Variants in PABPC4L observed in about 807,000 individuals in gnomAD.
PABPC4L encodes poly(A) binding protein cytoplasmic 4 like, also known as polyadenylate-binding protein 4-like.
For missense variants in PABPC4L, 452 were observed against 451.4 expected (o/e 1.00, Z -0.01); for synonymous variants, 169 against 164.1 (o/e 1.03, Z -0.23).
the PABPC4L span, among the ~76,000 whole-genome samples, chr4:134,153,395 G>A: frequency 6.6e-6 from 1 of 151,892 alleles, no homozygotes; most frequent in Non-Finnish European, 1.5e-5. Flanking sequence ...AATAGACCAA[G>A]AATATTTTCC....
the PABPC4L span, among the ~76,000 whole-genome samples, chr4:134,137,761 T>C: frequency 1.3e-5 from 2 of 151,892 alleles, no homozygotes; most frequent in African/African-American, 4.8e-5. Flanking sequence ...CTTTCTATAA[T>C]GGACTATTAT....
chr4:134,041,005 A>T, the PABPC4L span, among the ~76,000 whole-genome samples: 1 of 152,194 alleles, frequency 6.6e-6, no homozygotes, highest in Non-Finnish European at 1.5e-5. Context: ...AAAGAAATGT[A>T]AATCAAAATC....
chr4:134,131,938 C>A, the PABPC4L span, among the ~76,000 whole-genome samples: 1 of 151,828 alleles, frequency 6.6e-6, no homozygotes, highest in Non-Finnish European at 1.5e-5. Flanking sequence ...TCATCTTCAA[C>A]AAAGCAAACA....
chr4:134,047,678 G>C, the PABPC4L span, among the ~76,000 whole-genome samples: 2 of 152,074 alleles, frequency 1.3e-5, no homozygotes, highest in African/African-American at 4.8e-5. Flanking sequence ...AGGAAGGGAA[G>C]GTCTACAAAG....
At chr4:134,117,800 T>C in the PABPC4L span, among the ~76,000 whole-genome samples, 1 of 151,814 alleles carries the variant, frequency 6.6e-6, no homozygotes, top group African/African-American at 2.4e-5. Flanking sequence ...TGCTGTGGGA[T>C]TCCCAAATAA....
the PABPC4L span, among the ~76,000 whole-genome samples, chr4:134,105,008 G>T: frequency 1.3e-5 from 2 of 151,664 alleles, no homozygotes; most frequent in Non-Finnish European, 2.9e-5. Flanking sequence ...CCAACAAGAT[G>T]CAGAATGATA....
the PABPC4L span, among the ~76,000 whole-genome samples, chr4:134,178,250 G>A: frequency 6.6e-6 from 1 of 151,654 alleles, no homozygotes; most frequent in Non-Finnish European, 1.5e-5. Flanking sequence ...TGTGGGCATG[G>A]AGAGTTAGTG....
the PABPC4L span, among the ~76,000 whole-genome samples, chr4:134,050,706 C>CAAAAAAAAAAAAAAAAAAAAAA: frequency 1.2e-5 from 1 of 83,016 alleles, no homozygotes; most frequent in Admixed American, 1.5e-4. Context: ...CACCGTCTCC[C>CAAAAAAAAAAAAAAAAAAAAAA]AAAAAAAAAA....
the PABPC4L span, among the ~76,000 whole-genome samples, chr4:134,054,173 G>C: frequency 6.9e-6 from 1 of 145,984 alleles, no homozygotes; most frequent in Non-Finnish European, 1.5e-5. Context: ...TCAAGTCTAT[G>C]AATTTCTTTT....
At chr4:134,071,891 A>G in the PABPC4L span, among the ~76,000 whole-genome samples, 1 of 152,294 alleles carries the variant, frequency 6.6e-6, no homozygotes, top group Non-Finnish European at 1.5e-5. Context: ...AGCAATCCAG[A>G]CAGGAGTATA....
chr4:134,007,898 C>A, the PABPC4L span, among the ~76,000 whole-genome samples: 3 of 151,614 alleles, frequency 2.0e-5, no homozygotes, highest in African/African-American at 7.2e-5. Context: ...AACTGTTTTA[C>A]TGAAACTTTT....
At chr4:134,012,877 A>G in the PABPC4L span, among the ~76,000 whole-genome samples, 1 of 151,910 alleles carries the variant, frequency 6.6e-6, no homozygotes, top group Admixed American at 6.6e-5. Flanking sequence ...TCTTCATTTC[A>G]ATTCCTTTCA....
At chr4:134,124,637 G>A in the PABPC4L span, among the ~76,000 whole-genome samples, 9 of 151,988 alleles carry the variant, frequency 5.9e-5, no homozygotes, top group African/African-American at 2.2e-4. Context: ...AAAAGGAGAT[G>A]TTTGGTTATA....
At chr4:134,064,652 T>G in the PABPC4L span, among the ~76,000 whole-genome samples, 2 of 152,084 alleles carry the variant, frequency 1.3e-5, no homozygotes, top group South Asian at 4.1e-4. Context: ...GTTATATAGG[T>G]AAAGTGCATG....
the PABPC4L span, among the ~76,000 whole-genome samples, chr4:134,060,061 T>C: frequency 6.6e-6 from 1 of 152,044 alleles, no homozygotes. Context: ...TTGCGAGACA[T>C]TGCATTAAAC....
the PABPC4L span, among the ~76,000 whole-genome samples, chr4:134,138,269 T>G: frequency 6.6e-6 from 1 of 151,834 alleles, no homozygotes; most frequent in Non-Finnish European, 1.5e-5. Flanking sequence ...CACTTACTCA[T>G]TACACATTTA....
the PABPC4L span, among the ~76,000 whole-genome samples, chr4:134,164,030 G>A: frequency 2.6e-5 from 4 of 151,682 alleles, no homozygotes; most frequent in East Asian, 2.0e-4. Context: ...TTGGGAGGCC[G>A]AGGCGGGCGG....
chr4:134,075,166 A>C, the PABPC4L span, among the ~76,000 whole-genome samples: 1 of 152,174 alleles, frequency 6.6e-6, no homozygotes, highest in Non-Finnish European at 1.5e-5. Flanking sequence ...CAGGGTTTTG[A>C]GTAGATAGTC....
At chr4:134,017,616 C>T in the PABPC4L span, among the ~76,000 whole-genome samples, 2 of 152,182 alleles carry the variant, frequency 1.3e-5, no homozygotes, top group Non-Finnish European at 2.9e-5. Flanking sequence ...TCTCCTTAAG[C>T]ACTCTCTAAT....
Sources: gnomAD v4.1 joint callset for allele counts (sites outside exome capture counted in the v4.1 genomes callset) on GRCh38, gnomAD v4.1.1 for gene constraint, MANE v1.5 for transcripts, NCBI Gene and HGNC (gene_info 2026-07-23, HGNC 2026-07-21) for gene names.